Variants in ENTPD1 observed in about 807,000 individuals in gnomAD.
ENTPD1 encodes the protein ATP diphosphohydrolase.
In ENTPD1, 33 loss-of-function variants were observed where a neutral mutation model predicts 57.0. The ratio of observed to expected loss-of-function variants is 0.58; its 90% CI spans 0.44 to 0.77. The LOEUF is 0.77. ENTPD1 is among the 30% of genes least tolerant of loss of function. The pLI is 0.00. For synonymous variants in ENTPD1, 202 were observed against 218.8 expected, an observed-to-expected ratio of 0.92 and a Z score of 0.68; for missense variants, 501 against 603.4, an observed-to-expected ratio of 0.83 and a Z score of 1.78.
chr10:95,712,893 G>A (rs1487395331), intron 1 of ENTPD1, among the ~76,000 whole-genome samples: 1 of 152,168 alleles, frequency 6.6e-6, no homozygotes, highest in Non-Finnish European at 1.5e-5. Context: ...AATTAGCCGG[G>A]TGTGGTGGCG....
At position 95,865,774 on chromosome 10, in the gene ENTPD1, C is replaced by CT. The variant is rs567003373; in HGVS notation, c.1327-394dup. Among the ~76,000 whole-genome samples, 112 of 151,404 alleles carry CT rather than the reference C, an allele frequency of 7.4e-4. 1 individual carries two copies. The highest frequency in any genetic ancestry group is 1.3e-3 in the Non-Finnish European group (90 of 67,758). On this transcript the variant is annotated intron_variant, in intron 9 of 9. Transcript: ENST00000371205. ...GTCATGATGTATGTGTGTGTATATACTTTTTTTTTAAGAGACATGGTCTCA... is the reference window on the plus strand; with the variant it reads ...GTCATGATGTATGTGTGTGTATATACTTTTTTTTTTAAGAGACATGGTCTCA...
chr10:95,795,833 C>T (rs915860773), intron 1 of ENTPD1, among the ~76,000 whole-genome samples: 20 of 152,088 alleles, frequency 1.3e-4, no homozygotes, highest in Admixed American at 6.6e-4. Context: ...TGCTAAGGAA[C>T]GACCAATGAC....
chr10:95,832,858 C>T (rs190002181), intron 2 of ENTPD1, among the ~76,000 whole-genome samples: 1 of 152,292 alleles, frequency 6.6e-6, no homozygotes, highest in African/African-American at 2.4e-5. Context: ...ACTTAATTGT[C>T]AGAGCGATGA....
the ENTPD1 span, among the ~76,000 whole-genome samples, chr10:95,696,273 T>TTTAA: frequency 8.5e-5 from 13 of 152,340 alleles, no homozygotes; most frequent in Non-Finnish European, 1.5e-4. Context: ...TATTTATTGA[T>TTTAA]TTAATTAATT....
intron 1 of ENTPD1, among the ~76,000 whole-genome samples, chr10:95,741,895 A>G (rs974587483): frequency 2.0e-5 from 3 of 152,212 alleles, no homozygotes; most frequent in African/African-American, 7.2e-5. Flanking sequence ...TGCTGCCCCC[A>G]GAGGATGAAG....
At position 95,869,161 on chromosome 10, in the gene ENTPD1, C is replaced by G; in HGVS notation, c.*2778C>G. 1 of 983,408 alleles carries G rather than the reference C, an allele frequency of 1.0e-6. No homozygotes were observed. Among genetic ancestry groups the G allele is most frequent in the Non-Finnish European group, 1.2e-6 (1 of 829,602 alleles). 60.9% of individuals were successfully genotyped at this position (983,408 alleles called of 1,614,324 possible). A position where few individuals can be genotyped will look rare whatever the true frequency, so the allele number is the denominator to read the frequency against. ...CTAACCCTGTTCCTTTATGAGGAAC[C>G]TTTTAAAGATTCCTTTATAAGGTGG... On this transcript the variant is annotated 3_prime_UTR_variant, in exon 10 of 10. Transcript: ENST00000371205.
chr10:95,806,900 C>T (rs1007172096), intron 1 of ENTPD1, among the ~76,000 whole-genome samples: 2 of 152,148 alleles, frequency 1.3e-5, no homozygotes, highest in Non-Finnish European at 2.9e-5. Flanking sequence ...AAAAGGGGAC[C>T]CGCCTATATG....
intron 1 of ENTPD1, among the ~76,000 whole-genome samples, chr10:95,718,795 C>T (rs1483571955): frequency 6.6e-6 from 1 of 152,172 alleles, no homozygotes; most frequent in Admixed American, 6.5e-5. Context: ...AAAGGAACTT[C>T]CATTAGTATA....
Position 95,847,562 on chromosome 10 carries a change from A to G in ENTPD1, c.930A>G (p.Pro310=). The change falls in exon 7 of 10, where the codon CCA becomes CCG. Residue 310 remains proline (P), a synonymous_variant. Transcript: ENST00000371205. ...PCTKRFEMTL[P]FQQFEIQGIG... ...CCAAGAGATTTGAGATGACTCTTCC[A>G]TTCCAGCAGTTTGAAATCCAGGGTA... 6.2e-7 allele frequency: 1 copy of G among 1,614,200 alleles called. No homozygotes were observed. The highest frequency in any genetic ancestry group is 8.5e-7 in the Non-Finnish European group (1 of 1,180,032).
Position 95,791,971 on chromosome 10 carries a change from C to A in ENTPD1, c.17-31266C>A, listed in dbSNP as rs10882665. On this transcript the variant is annotated intron_variant, in intron 1 of 9. Coordinates refer to ENST00000371205, the MANE Select transcript of ENTPD1 (RefSeq NM_001776.6). The surrounding 1 kb of genome is among the most constrained non-coding windows in gnomAD (Gnocchi z 4.1). ...GATGACAGTGAAGTCAGGCACAAAA[C>A]TGAACTCAGGGGAGTAAAGAGAATT... Among the ~76,000 whole-genome samples, 35,325 of 151,840 alleles carry A rather than the reference C, an allele frequency of 0.23. 4,875 individuals are homozygous for A. The highest frequency in any genetic ancestry group is 0.38 in the African/African-American group (15,635 of 41,362).
At position 95,869,844 on chromosome 10, in the gene ENTPD1, C is replaced by G; in HGVS notation, c.*3461C>G. 1.3e-6 allele frequency: 1 copy of G among 755,764 alleles called. No homozygotes were observed. 46.8% of individuals were successfully genotyped at this position (755,764 alleles called of 1,614,324 possible). A position where few individuals can be genotyped will look rare whatever the true frequency, so the allele number is the denominator to read the frequency against. ...AAAAATTGTTAATATTTTTCTCATA[C>G]TAAATTTTCAAAATATTTTGTGTCT... is the stretch of plus-strand genomic sequence containing the variant. On this transcript the variant is annotated 3_prime_UTR_variant, in exon 10 of 10. Transcript: ENST00000371205.
intron 1 of ENTPD1, among the ~76,000 whole-genome samples, chr10:95,726,044 A>G (rs878947370): frequency 1.3e-5 from 2 of 152,186 alleles, no homozygotes; most frequent in African/African-American, 4.8e-5. Flanking sequence ...GGTAGAGACT[A>G]AAGGGGAGTC....
rs2141044450 is a variant in ENTPD1, at chr10:95,876,681, G to A, written c.*10298G>A. Reference sequence around the variant, plus strand: ...CCATTCTAATAACAGAAACAAACAAGTTATTTTAAAACTTATTGGAATATT... The same window carrying A: ...CCATTCTAATAACAGAAACAAACAAATTATTTTAAAACTTATTGGAATATT... On this transcript the variant is annotated 3_prime_UTR_variant, in exon 10 of 10. Coordinates refer to ENST00000371205, the MANE Select transcript of ENTPD1 (RefSeq NM_001776.6). 1.6e-6 allele frequency: 2 copies of A among 1,214,650 alleles called. No individual in the cohort carries two copies. The highest frequency in any genetic ancestry group is 2.0e-6 in the Non-Finnish European group (2 of 975,682). The allele number at this position is 1,214,650 out of a possible 1,614,324, so 75.2% of individuals were successfully genotyped here.
intron 1 of ENTPD1, among the ~76,000 whole-genome samples, chr10:95,712,346 TAAAC>T (rs1163767448): frequency 6.6e-6 from 1 of 152,200 alleles, no homozygotes; most frequent in Non-Finnish European, 1.5e-5. Flanking sequence ...CCTGTGTCTA[TAAAC>T]TTTGCTGTAG....
At chr10:95,772,172 G>A (rs2098117958) in intron 1 of ENTPD1, among the ~76,000 whole-genome samples, 1 of 152,214 alleles carries the variant, frequency 6.6e-6, no homozygotes, top group Non-Finnish European at 1.5e-5. Context: ...GTCTTGCCTT[G>A]ATGTTTATGT....
chr10:95,712,919 A>G (rs1324073863), intron 1 of ENTPD1, among the ~76,000 whole-genome samples: 1 of 152,120 alleles, frequency 6.6e-6, no homozygotes, highest in Non-Finnish European at 1.5e-5. Flanking sequence ...CTGTAGTCCC[A>G]ACTACTCGGG....
intron 1 of ENTPD1, among the ~76,000 whole-genome samples, chr10:95,726,812 G>A (rs2097984137): frequency 6.6e-6 from 1 of 152,146 alleles, no homozygotes; most frequent in Non-Finnish European, 1.5e-5. Flanking sequence ...AGGTGTTTGA[G>A]TTCCCAGTAT....
At chr10:95,751,860 G>A (rs1434382362), upstream of ENTPD1, among the ~76,000 whole-genome samples, 2 of 152,200 alleles carry the variant, frequency 1.3e-5, no homozygotes, top group African/African-American at 4.8e-5. Flanking sequence ...ATATGGATCT[G>A]GTGCTCATGG....
chr10:95,799,268 T>G (rs2098238856), intron 1 of ENTPD1, among the ~76,000 whole-genome samples: 1 of 152,182 alleles, frequency 6.6e-6, no homozygotes, highest in Non-Finnish European at 1.5e-5. Flanking sequence ...TCCCATTGGT[T>G]ATTTTTCCTT....
Sources: allele counts gnomAD v4.1 joint callset (sites outside exome capture counted in the v4.1 genomes callset), GRCh38; gene constraint gnomAD v4.1.1; non-coding constraint Gnocchi (gnomAD v3.1); transcripts MANE v1.5; gene names NCBI Gene and HGNC (gene_info 2026-07-23, HGNC 2026-07-21).